SAMD12: variants seen among roughly 807,000 people sequenced by gnomAD.
SAMD12 encodes the protein sterile alpha motif domain-containing protein 12.
SAMD12 carries 9 observed loss-of-function variants against 15.0 expected under a neutral mutation model. The ratio of observed to expected loss-of-function variants is 0.60; its 90% confidence interval spans 0.36 to 1.05. The LOEUF (loss-of-function observed/expected upper bound fraction) is 1.05, where lower values mean the gene tolerates loss of function less well. Ranked by LOEUF, SAMD12 falls within the 50% of genes least tolerant of loss-of-function variation. SAMD12 has a pLI of 0.01. For synonymous variants in SAMD12, 86 were observed against 90.1 expected, an observed-to-expected ratio of 0.96 and a Z score of 0.25; for missense variants, 230 against 234.2, an observed-to-expected ratio of 0.98 and a Z score of 0.12.
At chr8:118,263,869 G>A (rs530047651) in intron 4 of SAMD12, among the ~76,000 whole-genome samples, 15 of 152,174 alleles carry the variant, frequency 9.9e-5, no homozygotes, top group Admixed American at 2.6e-4. Context: ...GACAGTAAAC[G>A]CATAAACAGT....
chr8:118,425,763 G>A (rs1486191823), intron 3 of SAMD12, among the ~76,000 whole-genome samples: 2 of 152,186 alleles, frequency 1.3e-5, no homozygotes, highest in East Asian at 3.8e-4. Flanking sequence ...GGCAGTAGGA[G>A]ATCAAGTCCT....
chr8:118,146,111 G>A, the SAMD12 span, among the ~76,000 whole-genome samples: 9 of 152,196 alleles, frequency 5.9e-5, no homozygotes, highest in Admixed American at 2.0e-4. Context: ...ACCAAACTCC[G>A]ACTTCGGTAC....
chr8:118,566,056 CTCTTTA>C (rs1290834965), intron 2 of SAMD12, among the ~76,000 whole-genome samples: 4 of 152,190 alleles, frequency 2.6e-5, no homozygotes, highest in East Asian at 1.9e-4. Context: ...CTAGAGTCTT[CTCTTTA>C]TAAGTCCCTC....
intron 4 of SAMD12, among the ~76,000 whole-genome samples, chr8:118,225,140 T>C (rs1318695141): frequency 6.6e-6 from 1 of 152,190 alleles, no homozygotes; most frequent in African/African-American, 2.4e-5. Flanking sequence ...GATAAGACAT[T>C]TTTTATTAGA....
intron 4 of SAMD12, chr8:118,239,852 A>C (rs1563710738): frequency 6.6e-6 from 1 of 152,132 alleles, no homozygotes; most frequent in Non-Finnish European, 1.5e-5. Context: ...TCTCCACCCT[A>C]TAGAGCCCTG....
At chr8:118,339,464 A>G (rs1817242023) in intron 4 of SAMD12, among the ~76,000 whole-genome samples, 1 of 152,192 alleles carries the variant, frequency 6.6e-6, no homozygotes, top group South Asian at 2.1e-4. Context: ...GTGGAAGGGG[A>G]GCAGGCTGAT....
intron 4 of SAMD12, among the ~76,000 whole-genome samples, chr8:118,228,588 T>TA (rs1416481184): frequency 3.3e-5 from 5 of 151,906 alleles, no homozygotes; most frequent in Admixed American, 3.3e-4. Flanking sequence ...CACAATGCAA[T>TA]ACCACCTTAC....
intron 4 of SAMD12, among the ~76,000 whole-genome samples, chr8:118,343,345 A>G (rs1817466546): frequency 6.6e-6 from 1 of 151,630 alleles, no homozygotes; most frequent in Non-Finnish European, 1.5e-5. Flanking sequence ...TGGAAAAAAT[A>G]ATAAAAGGTA....
intron 2 of SAMD12, among the ~76,000 whole-genome samples, chr8:118,446,900 A>T (rs908644291): frequency 5.9e-5 from 9 of 152,174 alleles, no homozygotes; most frequent in Non-Finnish European, 1.2e-4. Flanking sequence ...GAACTACAGA[A>T]TCATATATAC....
intron 2 of SAMD12, among the ~76,000 whole-genome samples, chr8:118,512,658 A>G (rs926265916): frequency 6.6e-6 from 1 of 152,184 alleles, no homozygotes; most frequent in African/African-American, 2.4e-5. Context: ...TTTTGCAATA[A>G]TATTACTAAA....
chr8:118,248,115 G>A (rs1447869851), intron 4 of SAMD12, among the ~76,000 whole-genome samples: 1 of 152,122 alleles, frequency 6.6e-6, no homozygotes, highest in Non-Finnish European at 1.5e-5. Flanking sequence ...GAAAGGGACA[G>A]GGTCTCTGGA....
At chr8:118,376,435 T>A (rs543294820), downstream of SAMD12, among the ~76,000 whole-genome samples, 7 of 152,188 alleles carry the variant, frequency 4.6e-5, no homozygotes, top group East Asian at 1.4e-3. Context: ...TCCCACCCCA[T>A]GTGACATTAC....
intron 3 of SAMD12, among the ~76,000 whole-genome samples, chr8:118,424,768 A>C (rs1000040247): frequency 1.3e-5 from 2 of 152,068 alleles, no homozygotes; most frequent in East Asian, 3.9e-4. Flanking sequence ...CTCCATCAAT[A>C]ACACATGACA....
chr8:118,276,257 TG>T (rs1813471655), intron 4 of SAMD12, among the ~76,000 whole-genome samples: 1 of 152,222 alleles, frequency 6.6e-6, no homozygotes, highest in Non-Finnish European at 1.5e-5. Flanking sequence ...CTGTATATGT[TG>T]TAATTTTGTT....
At chr8:118,404,827 G>A (rs916397362) in intron 3 of SAMD12, among the ~76,000 whole-genome samples, 1 of 151,890 alleles carries the variant, frequency 6.6e-6, no homozygotes, top group African/African-American at 2.4e-5. Flanking sequence ...CGCTTTTCAT[G>A]TTTTTATTAT....
At chr8:118,228,931 T>C (rs1045812134) in intron 4 of SAMD12, among the ~76,000 whole-genome samples, 3 of 152,176 alleles carry the variant, frequency 2.0e-5, no homozygotes, top group Non-Finnish European at 2.9e-5. Flanking sequence ...CTGTGGTACA[T>C]ATGTACGGTG....
chr8:118,563,744 T>C (rs1826773120), intron 2 of SAMD12, among the ~76,000 whole-genome samples: 1 of 152,222 alleles, frequency 6.6e-6, no homozygotes, highest in Admixed American at 6.5e-5. Flanking sequence ...CCTGTCAATA[T>C]TCTCAGAAGT....
chr8:118,373,711 C>T (rs963850643), downstream of SAMD12, among the ~76,000 whole-genome samples: 1 of 152,090 alleles, frequency 6.6e-6, no homozygotes, highest in Admixed American at 6.6e-5. Context: ...ATTATGAAGG[C>T]ATATGAGGAT....
intron 4 of SAMD12, among the ~76,000 whole-genome samples, chr8:118,260,998 T>C (rs1282788549): frequency 6.6e-6 from 1 of 152,128 alleles, no homozygotes; most frequent in Non-Finnish European, 1.5e-5. Flanking sequence ...TTACTCATTT[T>C]AGTATTCCAG....
Sources: gnomAD v4.1 joint callset for allele counts (sites outside exome capture counted in the v4.1 genomes callset) on GRCh38, gnomAD v4.1.1 for gene constraint, MANE v1.5 for transcripts, NCBI Gene and HGNC (gene_info 2026-07-23, HGNC 2026-07-21) for gene names.